MYL2: variants seen among roughly 807,000 people sequenced by gnomAD.
MYL2 encodes myosin light chain 2, also known as myosin regulatory light chain 2, ventricular/cardiac muscle isoform.
Under a neutral mutation model 23.0 loss-of-function variants are expected in MYL2, and 19 were observed. That is an observed-to-expected ratio of 0.83 (90% CI 0.58 to 1.21). The LOEUF is 1.21. Ranked by LOEUF, MYL2 falls within the 50% of genes most tolerant of loss-of-function variation. The probability of loss-of-function intolerance (pLI) is 0.00; values close to 1 mark genes in which losing one functional copy is unlikely to be tolerated. For missense variants in MYL2, 180 were observed against 215.1 expected (o/e 0.84, Z 1.02); for synonymous variants, 78 against 76.2 (o/e 1.02, Z -0.13).
intron 2 of MYL2, among the ~76,000 whole-genome samples, chr12:110,916,966 A>G (rs2071691593): frequency 1.3e-5 from 2 of 152,100 alleles, no homozygotes; most frequent in Non-Finnish European, 2.9e-5. Context: ...CTCCTGCCTC[A>G]GCCTCCCGAG....
At chr12:110,917,482 T>G (rs760728695) in intron 2 of MYL2, among the ~76,000 whole-genome samples, 12 of 146,410 alleles carry the variant, frequency 8.2e-5, no homozygotes, top group African/African-American at 2.9e-4. Flanking sequence ...TGTAATCCCA[T>G]TTACTCAGAC....
At chr12:110,912,331 T>C (rs2071658612) in intron 6 of MYL2, among the ~76,000 whole-genome samples, 1 of 152,206 alleles carries the variant, frequency 6.6e-6, no homozygotes, top group Admixed American at 6.5e-5. Flanking sequence ...GACACTTTAC[T>C]GCCAGTTCTG....
chr12:110,912,544 T>C (rs2071660495), intron 6 of MYL2, among the ~76,000 whole-genome samples: 1 of 152,192 alleles, frequency 6.6e-6, no homozygotes, highest in African/African-American at 2.4e-5. Flanking sequence ...GGTCCTGGCA[T>C]TTACTATTAG....
At chr12:110,920,692 C>G (rs967095107), upstream of MYL2, 1 of 980,338 alleles carries the variant, frequency 1.0e-6, no homozygotes, top group Non-Finnish European at 1.6e-6. Flanking sequence ...CCCCCCCACC[C>G]CATGCCGTTC....
chr12:110,918,794 A>G lies in MYL2; in HGVS notation c.93+310T>C, dbSNP rs2106403. On this transcript the variant is annotated intron_variant, in intron 2 of 6. Transcript: ENST00000228841. The surrounding 1 kb of genome is among the most constrained non-coding windows in gnomAD (Gnocchi z 4.4). ...AGATAACAAAAATGGTTTGAAGGGT[A>G]TATACTAAAATGTGAACTGATTATC... The G allele has an allele frequency of 0.095, 33,280 of 350,332 alleles. 2,003 individuals carry two copies. The highest frequency in any genetic ancestry group is 0.23 in the East Asian group (3,652 of 16,188). The allele number at this position is 350,332 out of a possible 1,614,324, so 21.7% of individuals were successfully genotyped here. A position where few individuals can be genotyped will look rare whatever the true frequency, so the allele number is the denominator to read the frequency against.
chr12:110,914,105 A>C, intron 4 of MYL2, 81 bp downstream of exon 4: 1 of 1,113,184 alleles, frequency 9.0e-7, no homozygotes, highest in South Asian at 1.2e-5. Flanking sequence ...TATCTCTTTT[A>C]AAGTTAACCA....
At chr12:110,914,717 G>C (rs2071677926) in intron 3 of MYL2, among the ~76,000 whole-genome samples, 1 of 152,074 alleles carries the variant, frequency 6.6e-6, no homozygotes, top group Non-Finnish European at 1.5e-5. Context: ...ACAGGGTTTT[G>C]CCATGTTGCC....
intron 2 of MYL2, among the ~76,000 whole-genome samples, chr12:110,916,375 G>A (rs987839014): frequency 6.6e-5 from 10 of 152,154 alleles, no homozygotes; most frequent in African/African-American, 2.2e-4. Context: ...GAACACAAAT[G>A]TGTATAGCAG....
chr12:110,913,216 C>A (rs762692074), intron 5 of MYL2, 30 bp downstream of exon 5: 2 of 1,600,604 alleles, frequency 1.2e-6, no homozygotes, highest in Non-Finnish European at 1.7e-6. Context: ...AAGCAGGGAA[C>A]CCCCTTCCTC....
chr12:110,921,036 G>C (rs2071721805), upstream of MYL2, among the ~76,000 whole-genome samples: 1 of 152,168 alleles, frequency 6.6e-6, no homozygotes, highest in Non-Finnish European at 1.5e-5. Context: ...GTCATCTCCT[G>C]AGTGAAGCCT....
rs1177510197 is a variant in MYL2 at position 110,911,092 on chromosome 12, T to A, written c.486A>T (p.Gly162=). ...GAGCCCCCTCCTAGTCCTTCTCTTC[T>A]CCGTGGGTGATGATGTGCACCAGGT... The part of the protein sequence containing the change: ...YKNLVHIITH[G]EEKD Residue 162 remains glycine, a synonymous_variant, in exon 7 of 7, where the codon GGA becomes GGT. Coordinates refer to ENST00000228841, the MANE Select transcript of MYL2 (RefSeq NM_000432.4). 6.2e-7 allele frequency: 1 copy of A among 1,613,888 alleles called. No homozygotes were observed.
intron 2 of MYL2, among the ~76,000 whole-genome samples, chr12:110,917,051 G>A (rs1017857689): frequency 2.6e-5 from 4 of 151,814 alleles, no homozygotes; most frequent in African/African-American, 9.7e-5. Flanking sequence ...TCACCACGTT[G>A]GCCAGGCTGG....
intron 2 of MYL2, among the ~76,000 whole-genome samples, chr12:110,917,339 A>T (rs1039665322): frequency 6.6e-6 from 1 of 152,026 alleles, no homozygotes; most frequent in Non-Finnish European, 1.5e-5. Context: ...TCACGCCTGT[A>T]ATCCCAGCAC....
chr12:110,914,163 C>A, intron 4 of MYL2, 23 bp downstream of exon 4: 1 of 1,474,748 alleles, frequency 6.8e-7, no homozygotes, highest in Non-Finnish European at 9.5e-7. Context: ...CACACAGACA[C>A]ACACACACAC....
chr12:110,913,140 G>C lies in MYL2; in HGVS notation c.358C>G (p.Arg120Gly), dbSNP rs397516404. ...GKGVLKADYV[R>G]EMLTTQAERF... The stretch of plus-strand genomic sequence containing the variant: ...TCCGCCTGCGTGGTCAGCATTTCCC[G>C]AACGCTGCAGAGAAAGGAAAGCAGG... The change falls in exon 6 of 7, where the codon CGG becomes GGG. Residue 120 changes from arginine to glycine, a missense_variant. By Grantham distance (125) the Arg-to-Gly change is moderately radical. Coordinates refer to ENST00000228841, the MANE Select transcript of MYL2 (RefSeq NM_000432.4). 7 of 1,614,094 alleles carry C rather than the reference G, an allele frequency of 4.3e-6. No homozygotes were observed. Among genetic ancestry groups the C allele is most frequent in the Non-Finnish European group, 5.9e-6 (7 of 1,180,038 alleles).
At chr12:110,919,450 C>A (rs561810974) in intron 1 of MYL2, among the ~76,000 whole-genome samples, 1 of 152,346 alleles carries the variant, frequency 6.6e-6, no homozygotes, top group African/African-American at 2.4e-5. Flanking sequence ...CCTTCACCAA[C>A]TAGGAGAAGC....
At chr12:110,914,056 C>A (rs2071672358) in intron 4 of MYL2, 130 bp downstream of exon 4, 1 of 771,992 alleles carries the variant, frequency 1.3e-6, no homozygotes, top group Admixed American at 2.0e-5. Context: ...CTGCGCCCAG[C>A]CAAGTTGCTG....
At chr12:110,915,657 G>C in intron 3 of MYL2, 58 bp downstream of exon 3, 1 of 1,521,764 alleles carries the variant, frequency 6.6e-7, no homozygotes, top group Non-Finnish European at 9.1e-7. Flanking sequence ...CCCACCTCCT[G>C]CTCCTCATGG....
intron 4 of MYL2, 73 bp downstream of exon 4, chr12:110,914,113 C>A: frequency 8.6e-7 from 1 of 1,167,266 alleles, no homozygotes; most frequent in Non-Finnish European, 1.3e-6. Flanking sequence ...TTAAAGTTAA[C>A]CATCTTCTGC....
Sources: gnomAD v4.1 joint callset for allele counts (sites outside exome capture counted in the v4.1 genomes callset) on GRCh38, gnomAD v4.1.1 for gene constraint, Gnocchi (gnomAD v3.1) non-coding constraint, MANE v1.5 for transcripts, NCBI Gene and HGNC (gene_info 2026-07-23, HGNC 2026-07-21) for gene names.